The following FAM170B variants were observed in gnomAD, a reference collection of about 807,000 sequenced individuals.
FAM170B encodes the protein family with sequence similarity 170 member B.
A neutral mutation model predicts 3.9 loss-of-function variants in FAM170B; 4 were observed. The observed-to-expected ratio is 1.01, with a 90% CI of 0.50 to 2.32. The LOEUF is 2.32. FAM170B is among the 30% of genes most tolerant of loss of function. FAM170B has a pLI of 0.02. For missense variants in FAM170B, 417 were observed against 368.6 expected, an observed-to-expected ratio of 1.13 and a Z score of -1.07; for synonymous variants, 163 against 149.8, an observed-to-expected ratio of 1.09 and a Z score of -0.64.
rs763466910 is a variant in FAM170B at position 49,132,157 on chromosome 10, G to A, written c.308C>T (p.Pro103Leu). The change falls in exon 2 of 2, where the codon CCG (proline) becomes CTG (leucine). Residue 103 changes from proline (P) to leucine (L), a missense_variant. Transcript: ENST00000311787. Reference sequence around the variant, plus strand: ...CGTGTAGAAGGCACACACACTCTGCGGAGCAGCATTGTCCTCATCGCACAT... The same window carrying A: ...CGTGTAGAAGGCACACACACTCTGCAGAGCAGCATTGTCCTCATCGCACAT... ...SCMCDEDNAA[P>L]QSVCAFYTHV... 26 of 1,551,760 alleles carry A rather than the reference G, an allele frequency of 1.7e-5. No individual in the cohort carries two copies. The highest frequency in any genetic ancestry group is 5.9e-5 in the Admixed American group (3 of 51,008).
rs1845192856 is a variant in FAM170B, at chr10:49,132,061, T to C, written c.404A>G (p.Lys135Arg). 1 of 1,551,630 alleles carries C rather than the reference T, an allele frequency of 6.4e-7. No homozygotes were observed. The change falls in exon 2 of 2, where the codon AAG becomes AGG. Residue 135 changes from lysine to arginine, a missense_variant. By Grantham distance (26) the Lys-to-Arg change is conservative. Coordinates refer to ENST00000311787, the MANE Select transcript of FAM170B (RefSeq NM_001164484.2). The stretch of plus-strand genomic sequence containing the variant: ...GAACTGGGCTTCATGGATGCGGGGC[T>C]TCCTGGTGACCGGCTCGAAGCCGGC... ...TEAGFEPVTR[K>R]PRIHEAQFIK... is the part of the protein sequence containing the mutation.
In FAM170B at chr10:49,132,168, G is replaced by C. The variant is rs945716801; in HGVS notation, c.297C>G (p.Asp99Glu). The change falls in exon 2 of 2, where the codon GAC (aspartate) becomes GAG (glutamate). Residue 99 changes from aspartate to glutamate, a missense_variant. By Grantham distance (45) the Asp-to-Glu change is conservative (BLOSUM62 2). Transcript: ENST00000311787. The part of the protein sequence containing the change: ...QSCCSCMCDE[D>E]NAAPQSVCAF... The stretch of plus-strand genomic sequence containing the variant: ...CACACACACTCTGCGGAGCAGCATT[G>C]TCCTCATCGCACATGCAGGAGCAGC... The C allele has an allele frequency of 1.3e-6, 2 of 1,551,690 alleles. No individual in the cohort carries two copies. Among genetic ancestry groups the C allele is most frequent in the Non-Finnish European group, 1.7e-6 (2 of 1,147,022 alleles).
Position 49,131,860 on chromosome 10 carries a change from T to C in FAM170B, c.605A>G (p.Tyr202Cys), listed in dbSNP as rs1484720679. 6.5e-7 allele frequency: 1 copy of C among 1,546,264 alleles called. No individual in the cohort carries two copies. The highest frequency in any genetic ancestry group is 1.2e-5 in the South Asian group (1 of 84,052). ...EPPDWLVTTNYGVRCVACCRV... is the reference protein window; with the variant it reads ...EPPDWLVTTNCGVRCVACCRV... ...GCAGCAGGCCACGCAGCGCACCCCG[T>C]AGTTGGTGGTGACCAGCCAGTCCGG... The change falls in exon 2 of 2, where the codon TAC becomes TGC. Residue 202 changes from tyrosine to cysteine, a missense_variant. Coordinates refer to ENST00000311787, the MANE Select transcript of FAM170B (RefSeq NM_001164484.2).
chr10:49,133,977 G>T lies in FAM170B; in HGVS notation c.-59C>A. On this transcript the variant is annotated 5_prime_UTR_variant, in exon 1 of 2. Transcript: ENST00000311787. The stretch of plus-strand genomic sequence containing the variant: ...CAGCTGTTCAGTGAGAGTTGGCTGG[G>T]GCTGTACTGAAGGCCTCCAGCTGGC... The T allele has an allele frequency of 7.1e-7, 1 of 1,409,192 alleles. No individual in the cohort carries two copies. The highest frequency in any genetic ancestry group is 9.8e-7 in the Non-Finnish European group (1 of 1,017,380). 87.3% of individuals were successfully genotyped at this position (1,409,192 alleles called of 1,614,324 possible).
Position 49,131,484 on chromosome 10 carries a change from C to G in FAM170B, c.*129G>C, listed in dbSNP as rs79513942. On this transcript the variant is annotated 3_prime_UTR_variant, in exon 2 of 2. Transcript: ENST00000311787. ...GTCTCCTGGCCCTCCTTGCTCTACACTCCATGCCTTTCCTTCCCCCTGACC... is the reference window on the plus strand; with the variant it reads ...GTCTCCTGGCCCTCCTTGCTCTACAGTCCATGCCTTTCCTTCCCCCTGACC... 7.4e-7 allele frequency: 1 copy of G among 1,344,880 alleles called. No individual in the cohort carries two copies. The highest frequency in any genetic ancestry group is 9.9e-7 in the Non-Finnish European group (1 of 1,014,498). The allele number at this position is 1,344,880 out of a possible 1,614,324, so 83.3% of individuals were successfully genotyped here.
At chr10:49,133,759 C>T (rs1354694657) in intron 1 of FAM170B, 48 bp downstream of exon 1, 1 of 1,481,790 alleles carries the variant, frequency 6.7e-7, no homozygotes, top group East Asian at 2.5e-5. Flanking sequence ...GGGCTTCCTT[C>T]CCAGGGAGCA....
chr10:49,133,695 A>T, intron 1 of FAM170B, 112 bp downstream of exon 1: 1 of 791,502 alleles, frequency 1.3e-6, no homozygotes, highest in East Asian at 2.7e-5. Context: ...TATGGTCAAC[A>T]CAACCATTTG....
Position 49,132,319 on chromosome 10 carries a change from G to A in FAM170B, c.146C>T (p.Pro49Leu), listed in dbSNP as rs1357217182. The A allele has an allele frequency of 2.6e-6, 4 of 1,549,718 alleles. No homozygotes were observed. Among genetic ancestry groups the A allele is most frequent in the Admixed American group, 2.0e-5 (1 of 50,934 alleles). Residue 49 changes from proline to leucine, a missense_variant, in exon 2 of 2, where the codon CCG becomes CTG. Transcript: ENST00000311787. Reference sequence around the variant, plus strand: ...CTCCTCCCGGGGAATGGCAGGCCCCGGCCGTGGGGACGACCCTTCTCTCTG... The same window carrying A: ...CTCCTCCCGGGGAATGGCAGGCCCCAGCCGTGGGGACGACCCTTCTCTCTG... ...TIQREGSSPR[P>L]GPAIPREEGL... is the part of the protein sequence containing the mutation.
rs1471777285 is a variant in FAM170B at position 49,133,801 on chromosome 10, A to G, written c.112+6T>C. On this transcript the variant is annotated splice_donor_region_variant and intron_variant, in intron 1 of 1. Coordinates refer to ENST00000311787, the MANE Select transcript of FAM170B (RefSeq NM_001164484.2). ...GCTGACCTTCCAGGCCTTTCTTTTC[A>G]CCTACCTGGCCAGAACACTTCCACA... 6.4e-7 allele frequency: 1 copy of G among 1,551,014 alleles called. No homozygotes were observed. The highest frequency in any genetic ancestry group is 2.4e-5 in the East Asian group (1 of 40,900).
rs769402503 is a variant in FAM170B at position 49,133,888 on chromosome 10, C to G, written c.31G>C (p.Glu11Gln). The G allele has an allele frequency of 2.3e-5, 35 of 1,551,700 alleles. No homozygotes were observed. The highest frequency in any genetic ancestry group is 3.0e-5 in the Non-Finnish European group (34 of 1,146,980). Residue 11 changes from glutamate (E) to glutamine (Q), a missense_variant, in exon 1 of 2, where the codon GAA (glutamate) becomes CAA (glutamine). Transcript: ENST00000311787. ...GTGGTCCCATCGGTGGGTGACTGTT[C>G]TCCCCTGTGATCTGTGAAGTAGCAT... MKCYFTDHRGEQSPTDGTTLS... is the reference protein window; with the variant it reads MKCYFTDHRGQQSPTDGTTLS...
In FAM170B at chr10:49,132,043, GC is replaced by G. The variant is rs1268246145; in HGVS notation, c.421del (p.Ala141ProfsTer40). On this transcript the variant is annotated frameshift_variant, in exon 2 of 2. Transcript: ENST00000311787. LOFTEE classifies it low-confidence loss of function (END_TRUNC). ...CCACCTCTGCCTCTTGATGAACTGG[GC>G]TTCATGGATGCGGGGCTTCCTGGTG... Reference protein sequence around the residue: ...PVTRKPRIHEAQFIKRQRWNG... With the variant: ...PVTRKPRIHEXQFIKRQRWNG... 2 of 1,551,628 alleles carry G rather than the reference GC, an allele frequency of 1.3e-6. No individual in the cohort carries two copies. Among genetic ancestry groups the G allele is most frequent in the African/African-American group, 2.7e-5 (2 of 73,070 alleles).
intron 1 of FAM170B, among the ~76,000 whole-genome samples, 164 bp from the exon 2 acceptor site, chr10:49,132,516 G>C (rs371659272): frequency 3.3e-5 from 5 of 152,254 alleles, no homozygotes; most frequent in African/African-American, 1.2e-4. Flanking sequence ...GATAATGCCT[G>C]CTTCATAGGG....
intron 1 of FAM170B, among the ~76,000 whole-genome samples, chr10:49,132,954 C>T (rs1048581609): frequency 3.3e-5 from 5 of 151,896 alleles, no homozygotes; most frequent in South Asian, 2.1e-4. Flanking sequence ...GAGCTGGGGA[C>T]GGGGTGAGAG....
At position 49,131,274 on chromosome 10, in the gene FAM170B, C is replaced by T. The variant is rs75358999; in HGVS notation, c.*339G>A. The T allele has an allele frequency of 7.9e-3, 2,203 of 277,168 alleles. 12 individuals are homozygous for T. The highest frequency in any genetic ancestry group is 0.01 in the Non-Finnish European group (1,499 of 147,210). The allele number at this position is 277,168 out of a possible 1,614,324, so 17.2% of individuals were successfully genotyped here. On this transcript the variant is annotated 3_prime_UTR_variant, in exon 2 of 2. Transcript: ENST00000311787. The stretch of plus-strand genomic sequence containing the variant: ...ATTTGCAGTTGGCTGTCCTGTGACC[C>T]ACATATACTTAGCAAGTGTGGACCT...
intron 1 of FAM170B, among the ~76,000 whole-genome samples, chr10:49,132,705 G>A (rs949637504): frequency 6.6e-6 from 1 of 152,098 alleles, no homozygotes; most frequent in Admixed American, 6.5e-5. Flanking sequence ...TAGGTAAGCT[G>A]ACTGAGGTGT....
At chr10:49,133,080 C>T (rs1411461284) in intron 1 of FAM170B, among the ~76,000 whole-genome samples, 1 of 152,148 alleles carries the variant, frequency 6.6e-6, no homozygotes, top group Non-Finnish European at 1.5e-5. Flanking sequence ...TTAAATTGTG[C>T]ATTTAAAATT....
Position 49,131,562 on chromosome 10 carries a change from G to A in FAM170B, c.*51C>T. On this transcript the variant is annotated 3_prime_UTR_variant, in exon 2 of 2. Transcript: ENST00000311787. ...TCTGATACTGCTGGCTGGGGAAGGA[G>A]CAGTCCCAGGCCCTGGAGGTGAGGG... is the stretch of plus-strand genomic sequence containing the variant. 6.7e-7 allele frequency: 1 copy of A among 1,493,804 alleles called. No homozygotes were observed. Among genetic ancestry groups the A allele is most frequent in the Non-Finnish European group, 8.9e-7 (1 of 1,117,732 alleles). The allele number at this position is 1,493,804 out of a possible 1,614,324, so 92.5% of individuals were successfully genotyped here.
Position 49,131,669 on chromosome 10 carries a change from C to T in FAM170B, c.796G>A (p.Glu266Lys). The T allele has an allele frequency of 1.3e-6, 2 of 1,551,746 alleles. No homozygotes were observed. Among genetic ancestry groups the T allele is most frequent in the South Asian group, 1.2e-5 (1 of 84,066 alleles). Residue 266 changes from glutamate (E) to lysine (K), a missense_variant, in exon 2 of 2, where the codon GAA becomes AAA. Physicochemically the swap from Glu to Lys is moderately conservative, Grantham distance 56. Coordinates refer to ENST00000311787, the MANE Select transcript of FAM170B (RefSeq NM_001164484.2). Reference protein sequence around the residue: ...EEEQSPSDNSECSRPQGEVLS... With the variant: ...EEEQSPSDNSKCSRPQGEVLS... ...ACCTCACCCTGGGGCCGGGAACATT[C>T]GCTGTTGTCTGAAGGACTCTGCTCC...
Position 49,131,925 on chromosome 10 carries a change from T to C in FAM170B, c.540A>G (p.Ile180Met), listed in dbSNP as rs73302791. ...CCTGCAGGCAGCACTCCAGCAGGTC[T>C]ATGTCCTCGGGCTCGGGGCTGCAGT... Reference protein sequence around the residue: ...KSNCSPEPEDIDLLECCLQEL... With the variant: ...KSNCSPEPEDMDLLECCLQEL... Residue 180 changes from isoleucine (I) to methionine (M), a missense_variant, in exon 2 of 2, where the codon ATA becomes ATG. Physicochemically the swap from Ile to Met is conservative, Grantham distance 10. Transcript: ENST00000311787. 1.9e-4 allele frequency: 288 copies of C among 1,549,466 alleles called. 2 individuals carry two copies. The African/African-American group carries it at 3.7e-3, about 20-fold the overall frequency.
Sources: allele counts gnomAD v4.1 joint callset (sites outside exome capture counted in the v4.1 genomes callset), GRCh38; gene constraint gnomAD v4.1.1; transcripts MANE v1.5; gene names NCBI Gene and HGNC (gene_info 2026-07-23, HGNC 2026-07-21).